The following KIAA0232 variants were observed in gnomAD, a reference collection of about 807,000 sequenced individuals.
The protein encoded by KIAA0232 is uncharacterized protein KIAA0232.
In KIAA0232, 27 loss-of-function variants were observed where a neutral mutation model predicts 122.0. That is an observed-to-expected ratio of 0.22 (90% confidence interval 0.16 to 0.31). The LOEUF is 0.31. Among genes scored for constraint, KIAA0232 ranks in the 10% least tolerant of loss-of-function variants. The pLI, the probability that KIAA0232 is intolerant of heterozygous loss-of-function variation, is 1.00. For missense variants in KIAA0232, 1,551 were observed against 1,634.2 expected (o/e 0.95, Z 0.88); for synonymous variants, 613 against 587.6 (o/e 1.04, Z -0.63).
intron 7 of KIAA0232, among the ~76,000 whole-genome samples, chr4:6,870,386 C>G (rs1560209259): frequency 6.6e-6 from 1 of 152,218 alleles, no homozygotes; most frequent in East Asian, 1.9e-4. Context: ...GGATGGCTAT[C>G]TCCTATTTTA....
intron 4 of KIAA0232, among the ~76,000 whole-genome samples, chr4:6,853,076 G>A (rs1720380076): frequency 6.6e-6 from 1 of 152,154 alleles, no homozygotes; most frequent in Admixed American, 6.5e-5. Context: ...CTGAGGCAAA[G>A]CATGAGACAC....
chr4:6,824,500 G>A lies in KIAA0232; in HGVS notation c.47G>A (p.Ser16Asn), dbSNP rs1308412669. Residue 16 changes from serine (S) to asparagine (N), a missense_variant, in exon 3 of 10, where the codon AGC (serine) becomes AAC (asparagine). This residue lies in a region of KIAA0232 where 37 missense variants were observed against 28.5 expected (regional missense o/e 1.30). Transcript: ENST00000307659. ...TVVVDGLPSE[S>N]SSSSYPGPVS... is the part of the protein sequence containing the mutation. ...GTTGTGGATGGTTTGCCATCTGAAA[G>A]CTCCTCAAGTTCTTATCCAGGCCCT... 2 of 1,614,192 alleles carry A rather than the reference G, an allele frequency of 1.2e-6. No homozygotes were observed. The highest frequency in any genetic ancestry group is 1.7e-6 in the Non-Finnish European group (2 of 1,180,036).
At chr4:6,784,372 A>G (rs1716512221) in intron 1 of KIAA0232, among the ~76,000 whole-genome samples, 1 of 151,914 alleles carries the variant, frequency 6.6e-6, no homozygotes, top group Admixed American at 6.6e-5. Flanking sequence ...CCTATGCAAA[A>G]TAAGACCCGT....
At chr4:6,849,175 A>G (rs1398616585) in intron 4 of KIAA0232, among the ~76,000 whole-genome samples, 7 of 152,244 alleles carry the variant, frequency 4.6e-5, no homozygotes, top group African/African-American at 1.7e-4. Flanking sequence ...GTGAGCACCC[A>G]GTGAAGATGC....
intron 2 of KIAA0232, among the ~76,000 whole-genome samples, chr4:6,822,459 G>A (rs554590549): frequency 6.6e-6 from 1 of 152,258 alleles, no homozygotes; most frequent in East Asian, 1.9e-4. Flanking sequence ...CTGACTTGAT[G>A]CTTTTACTAA....
intron 4 of KIAA0232, among the ~76,000 whole-genome samples, chr4:6,844,220 G>A (rs142970068): frequency 8.6e-5 from 13 of 151,764 alleles, no homozygotes; most frequent in South Asian, 2.1e-4. Context: ...GATTACAGGC[G>A]TGAGCCACCG....
At chr4:6,860,806 A>C in intron 6 of KIAA0232, 95 bp from the exon 7 acceptor site, 1 of 1,071,852 alleles carries the variant, frequency 9.3e-7, no homozygotes, top group Non-Finnish European at 1.4e-6. Flanking sequence ...ACACTACTAA[A>C]ATGAAATATT....
At chr4:6,812,212 G>A (rs1717911001) in intron 2 of KIAA0232, among the ~76,000 whole-genome samples, 1 of 152,176 alleles carries the variant, frequency 6.6e-6, no homozygotes, top group South Asian at 2.1e-4. Flanking sequence ...ATAGTCATTT[G>A]CTAGAGGGGA....
At chr4:6,789,575 C>A (rs1716794117) in intron 1 of KIAA0232, among the ~76,000 whole-genome samples, 1 of 152,138 alleles carries the variant, frequency 6.6e-6, no homozygotes. Context: ...CCTGGCCAGT[C>A]ATCTCATTTT....
At chr4:6,845,326 T>C (rs1235291500) in intron 4 of KIAA0232, among the ~76,000 whole-genome samples, 3 of 152,046 alleles carry the variant, frequency 2.0e-5, no homozygotes, top group Non-Finnish European at 4.4e-5. Flanking sequence ...AGAGAAAACT[T>C]TGTGGTTAAA....
rs939729619 is a variant in KIAA0232 at position 6,862,230 on chromosome 4, C to T, written c.1848C>T (p.Pro616=). 7 of 1,614,010 alleles carry T rather than the reference C, an allele frequency of 4.3e-6. No individual in the cohort carries two copies. The highest frequency in any genetic ancestry group is 1.7e-5 in the Admixed American group (1 of 60,004). ...FGGDSPVRLS[P]ILDSTVLNSH... is the part of the protein sequence containing the mutation. Reference sequence around the variant, plus strand: ...GAGACTCTCCAGTTAGACTCTCTCCCATCTTAGACAGCACAGTGCTCAATT... The same window carrying T: ...GAGACTCTCCAGTTAGACTCTCTCCTATCTTAGACAGCACAGTGCTCAATT... Residue 616 remains proline, a synonymous_variant, in exon 7 of 10, where the codon CCC becomes CCT. Coordinates refer to ENST00000307659, the MANE Select transcript of KIAA0232 (RefSeq NM_014743.3).
intron 1 of KIAA0232, among the ~76,000 whole-genome samples, chr4:6,783,688 C>G (rs1279300677): frequency 1.3e-5 from 2 of 149,104 alleles, no homozygotes; most frequent in East Asian, 2.0e-4. Flanking sequence ...TGGCGCGGGG[C>G]GCGGCGCGGG....
In KIAA0232 at chr4:6,862,672, G is replaced by A; in HGVS notation, c.2290G>A (p.Asp764Asn). 6.2e-7 allele frequency: 1 copy of A among 1,610,620 alleles called. No homozygotes were observed. ...TGAAGAACTTCTAGATTTTTTGCAAGATGAAACTTGCCAGCAAAACAGTAG... is the reference window on the plus strand; with the variant it reads ...TGAAGAACTTCTAGATTTTTTGCAAAATGAAACTTGCCAGCAAAACAGTAG... ...VDEELLDFLQDETCQQNSRTL... is the reference protein window; with the variant it reads ...VDEELLDFLQNETCQQNSRTL... The change falls in exon 7 of 10, where the codon GAT becomes AAT. Residue 764 changes from aspartate (D) to asparagine (N), a missense_variant. Physicochemically the swap from Asp to Asn is conservative, Grantham distance 23. Around this residue, in one of 5 missense-constraint regions of KIAA0232, gnomAD observed 1,108 missense variants for 1,154.8 expected, o/e 0.96. Coordinates refer to ENST00000307659, the MANE Select transcript of KIAA0232 (RefSeq NM_014743.3).
At chr4:6,792,693 TTG>T (rs1350270567) in intron 1 of KIAA0232, among the ~76,000 whole-genome samples, 43 of 123,994 alleles carry the variant, frequency 3.5e-4, no homozygotes, top group Middle Eastern at 4.1e-3. Context: ...TTTTTTTTTT[TTG>T]TTTTTTTTTT....
In KIAA0232 at chr4:6,863,661, C is replaced by T; in HGVS notation, c.3279C>T (p.Asp1093=). ...TTCACCCCAGGATATGTGGTGTTGA[C>T]AGAACACAATACAGGGCTATTCGGA... ...EVFHPRICGV[D]RTQYRAIRIS... Residue 1093 remains aspartate, a synonymous_variant, in exon 7 of 10, where the codon GAC becomes GAT. Transcript: ENST00000307659. 6.2e-7 allele frequency: 1 copy of T among 1,614,164 alleles called. No homozygotes were observed. The highest frequency in any genetic ancestry group is 8.5e-7 in the Non-Finnish European group (1 of 1,180,018).
chr4:6,880,289 CCTTCCCAACACACAGGTCTGTAGTGTCG>C lies in KIAA0232; in HGVS notation c.4009-496_4009-469del, dbSNP rs1460369386. Among the ~76,000 whole-genome samples, 6 of 77,368 alleles carry C rather than the reference CCTTCCCAACACACAGGTCTGTAGTGTCG, an allele frequency of 7.8e-5. 2 individuals are homozygous for C. Among genetic ancestry groups the C allele is most frequent in the African/African-American group, 3.0e-4 (6 of 20,208 alleles). The allele number at this position is 77,368 out of a possible 152,430, so 50.8% of individuals were successfully genotyped here. A position where few individuals can be genotyped will look rare whatever the true frequency, so the allele number is the denominator to read the frequency against. On this transcript the variant is annotated intron_variant, in intron 9 of 9. Transcript: ENST00000307659. The stretch of plus-strand genomic sequence containing the variant: ...ATCTGTACTGTGTCACTGCAAACTC[CCTTCCCAACACACAGGTCTGTAGTGTCG>C]CCTCACCATCTGTACTGTGTCACTG...
Position 6,862,304 on chromosome 4 carries a change from G to A in KIAA0232, c.1922G>A (p.Gly641Glu), listed in dbSNP as rs932593208. 6.2e-7 allele frequency: 1 copy of A among 1,614,110 alleles called. No homozygotes were observed. Among genetic ancestry groups the A allele is most frequent in the East Asian group, 2.2e-5 (1 of 44,884 alleles). The stretch of plus-strand genomic sequence containing the variant: ...GAGCTCTTTTCAGATATTAATGAAG[G>A]ATCTGGTATAAACTCTTGTTTTTCA... ...NQELFSDINE[G>E]SGINSCFSVF... Residue 641 changes from glycine (G) to glutamate (E), a missense_variant, in exon 7 of 10, where the codon GGA becomes GAA. Around this residue, in one of 5 missense-constraint regions of KIAA0232, gnomAD observed 1,108 missense variants for 1,154.8 expected, o/e 0.96. Transcript: ENST00000307659.
rs1252853097 is a variant in KIAA0232 at position 6,881,532 on chromosome 4, A to G, written c.*566A>G. 29 of 152,658 alleles carry G rather than the reference A, an allele frequency of 1.9e-4. No individual in the cohort carries two copies. The highest frequency in any genetic ancestry group is 1.9e-3 in the Admixed American group (29 of 15,282). 9.5% of individuals were successfully genotyped at this position (152,658 alleles called of 1,614,324 possible). A position where few individuals can be genotyped will look rare whatever the true frequency, so the allele number is the denominator to read the frequency against. On this transcript the variant is annotated 3_prime_UTR_variant, in exon 10 of 10. Coordinates refer to ENST00000307659, the MANE Select transcript of KIAA0232 (RefSeq NM_014743.3). ...AGGAACCGCAGAGGTGTGCTTTTCA[A>G]GACTCACCAAATACTGTGTTTTCTC... is the stretch of plus-strand genomic sequence containing the variant.
At chr4:6,843,927 CTTTTTTTTTTTTTTTTTT>C (rs373793407) in intron 4 of KIAA0232, among the ~76,000 whole-genome samples, 2 of 46,360 alleles carry the variant, frequency 4.3e-5, no homozygotes. Context: ...AGTTACCCAT[CTTTTTTTTTTTTTTTTTT>C]TTTTTTTTTT....
Sources: gnomAD v4.1 joint callset for allele counts (sites outside exome capture counted in the v4.1 genomes callset) on GRCh38, gnomAD v4.1.1 for gene constraint, gnomAD v4.1.1 regional missense constraint, MANE v1.5 for transcripts, NCBI Gene and HGNC (gene_info 2026-07-23, HGNC 2026-07-21) for gene names.